The following C5 variants were observed in gnomAD, a reference collection of about 807,000 sequenced individuals.
C5 encodes the protein C3 and PZP-like alpha-2-macroglobulin domain-containing protein 4.
C5 carries 140 observed loss-of-function variants against 218.8 expected under a neutral mutation model. The ratio of observed to expected loss-of-function variants is 0.64; its 90% CI spans 0.56 to 0.74. The LOEUF is 0.74. C5 is among the 30% of genes least tolerant of loss of function. The probability of loss-of-function intolerance (pLI) is 0.00; values close to 1 mark genes in which losing one functional copy is unlikely to be tolerated. For synonymous variants in C5, 614 were observed against 682.3 expected, an observed-to-expected ratio of 0.90 and a Z score of 1.56; for missense variants, 1,700 against 1,969.6, an observed-to-expected ratio of 0.86 and a Z score of 2.59.
At chr9:121,027,928 T>G (rs544215657) in intron 7 of C5, among the ~76,000 whole-genome samples, 1 of 152,166 alleles carries the variant, frequency 6.6e-6, no homozygotes, top group South Asian at 2.1e-4. Flanking sequence ...TGGAGAAAAT[T>G]TTTGCAATCT....
chr9:121,061,845 ATTTTACT>A, the C5 span, among the ~76,000 whole-genome samples: 1 of 152,144 alleles, frequency 6.6e-6, no homozygotes, highest in African/African-American at 2.4e-5. Context: ...AGCTGTTTTT[ATTTTACT>A]TTTTGATATG....
chr9:120,986,096 T>G (rs2047030783), intron 25 of C5, among the ~76,000 whole-genome samples: 2 of 152,216 alleles, frequency 1.3e-5, no homozygotes. Flanking sequence ...GACTCTAGTC[T>G]GCCATCTCCT....
At chr9:120,957,072 A>G (rs775273883) in intron 39 of C5, 5 of 464,934 alleles carry the variant, frequency 1.1e-5, no homozygotes, top group African/African-American at 2.0e-5. Context: ...TGAAAAAAAC[A>G]TTTTGCTGAA....
In C5 at chr9:120,956,593, T is replaced by C. The variant is rs118085776; in HGVS notation, c.4762+692A>G. On this transcript the variant is annotated intron_variant, in intron 39 of 40. Coordinates refer to ENST00000223642, the MANE Select transcript of C5 (RefSeq NM_001735.3). The stretch of plus-strand genomic sequence containing the variant: ...ATATGGAACAAAGAAAGAACTTGAA[T>C]AGCCAAAGGAATTCTAAGCAAAAAG... 1.6e-4 allele frequency among the ~76,000 whole-genome samples: 24 copies of C among 152,282 alleles called. No homozygotes were observed. In the East Asian group the frequency reaches 4.1e-3, roughly 26 times the overall value.
At chr9:121,072,812 T>TA in the C5 span, among the ~76,000 whole-genome samples, 1,482 of 98,586 alleles carry the variant, frequency 0.015, 9 homozygotes, top group African/African-American at 0.022. Context: ...TTCAAAAAAT[T>TA]AAAAAAAAAA....
At chr9:121,015,127 A>T in intron 16 of C5, 72 bp downstream of exon 16, 1 of 937,850 alleles carries the variant, frequency 1.1e-6, no homozygotes. Context: ...GAATTTATAT[A>T]ACATTTAATT....
intron 25 of C5, 69 bp downstream of exon 25, chr9:120,988,977 C>T: frequency 8.7e-7 from 1 of 1,146,978 alleles, no homozygotes; most frequent in South Asian, 1.2e-5. Flanking sequence ...AATGGAGTTT[C>T]CATTATGGTT....
chr9:121,072,921 T>C, the C5 span, among the ~76,000 whole-genome samples: 20,936 of 151,752 alleles, frequency 0.14, 1,527 homozygotes, highest in East Asian at 0.18. Context: ...TTCTGTGTCG[T>C]GTAAATAGTT....
At chr9:121,067,199 T>TCAGGGCTG in the C5 span, among the ~76,000 whole-genome samples, 50 of 151,900 alleles carry the variant, frequency 3.3e-4, no homozygotes, top group Non-Finnish European at 2.5e-4. Flanking sequence ...TCCCAGAAGG[T>TCAGGGCTG]CAGGGCTGCA....
chr9:121,040,746 G>A (rs766487401), intron 3 of C5, among the ~76,000 whole-genome samples: 1 of 152,136 alleles, frequency 6.6e-6, no homozygotes, highest in Non-Finnish European at 1.5e-5. Context: ...GTGGGAGTCT[G>A]AGAGGCTGAG....
chr9:121,069,574 C>T, the C5 span, among the ~76,000 whole-genome samples: 1 of 151,186 alleles, frequency 6.6e-6, no homozygotes, highest in African/African-American at 2.4e-5. Flanking sequence ...ATTGCAGTGG[C>T]ATGATGATAG....
intron 7 of C5, among the ~76,000 whole-genome samples, chr9:121,030,016 T>G (rs887777314): frequency 4.6e-5 from 7 of 152,182 alleles, no homozygotes; most frequent in African/African-American, 1.7e-4. Context: ...TGTGGGAGTT[T>G]CAAGGCACTG....
intron 21 of C5, 54 bp from the exon 22 acceptor site, chr9:120,996,354 A>G (rs12683026): frequency 0.087 from 128,114 of 1,479,874 alleles, 6,015 homozygotes; most frequent in Non-Finnish European, 0.094. Flanking sequence ...TATAACCTGA[A>G]TTCCCTGGAT....
At chr9:120,980,874 G>C (rs1317154180) in intron 27 of C5, among the ~76,000 whole-genome samples, 1 of 152,154 alleles carries the variant, frequency 6.6e-6, no homozygotes, top group Non-Finnish European at 1.5e-5. Flanking sequence ...GGGATTACAG[G>C]CGTGAGCCAC....
intron 20 of C5, among the ~76,000 whole-genome samples, chr9:121,003,000 A>G (rs185262373): frequency 1.3e-5 from 2 of 152,308 alleles, no homozygotes; most frequent in East Asian, 3.9e-4. Flanking sequence ...CTGTAAAAAT[A>G]AGATAATACT....
chr9:120,997,871 C>A (rs1207629838), intron 20 of C5, 97 bp from the exon 21 acceptor site: 4 of 975,782 alleles, frequency 4.1e-6, no homozygotes, highest in Non-Finnish European at 6.2e-6. Context: ...GGCATGATCT[C>A]AGCTCACTGC....
At chr9:120,987,278 T>G (rs539578760) in intron 25 of C5, among the ~76,000 whole-genome samples, 1 of 152,056 alleles carries the variant, frequency 6.6e-6, no homozygotes, top group African/African-American at 2.4e-5. Context: ...TGGGCAATAA[T>G]GAGACTGTAC....
chr9:121,017,345 G>C lies in C5; in HGVS notation c.1866+17C>G. The stretch of plus-strand genomic sequence containing the variant: ...CACACTTCATGCAACACTGCAGCGA[G>C]ACATGCATTACTTAACTCTTTCCAA... On this transcript the variant is annotated intron_variant, in intron 14 of 40. Transcript: ENST00000223642. The C allele has an allele frequency of 6.2e-7, 1 of 1,613,240 alleles. No homozygotes were observed. Among genetic ancestry groups the C allele is most frequent in the Non-Finnish European group, 8.5e-7 (1 of 1,179,724 alleles).
intron 9 of C5, 56 bp downstream of exon 9, chr9:121,025,398 A>C: frequency 6.9e-7 from 1 of 1,456,310 alleles, no homozygotes; most frequent in African/African-American, 1.5e-5. Flanking sequence ...ATTCTGTCTA[A>C]ATATTTTTCA....
Sources: gnomAD v4.1 joint callset for allele counts (sites outside exome capture counted in the v4.1 genomes callset) on GRCh38, gnomAD v4.1.1 for gene constraint, MANE v1.5 for transcripts, NCBI Gene and HGNC (gene_info 2026-07-23, HGNC 2026-07-21) for gene names.